CFAP92: variants seen among roughly 807,000 people sequenced by gnomAD.
The protein encoded by CFAP92 is uncharacterized protein CFAP92.
CFAP92 carries 86 observed loss-of-function variants against 106.3 expected under a neutral mutation model. The ratio of observed to expected loss-of-function variants is 0.81; its 90% CI spans 0.68 to 0.97. CFAP92 has a LOEUF of 0.97. CFAP92 is among the 50% of genes least tolerant of loss of function. The pLI is 0.00. For missense variants in CFAP92, 1,204 were observed against 1,283.8 expected, an observed-to-expected ratio of 0.94 and a Z score of 0.95; for synonymous variants, 477 against 506.4, an observed-to-expected ratio of 0.94 and a Z score of 0.78.
intron 9 of CFAP92, among the ~76,000 whole-genome samples, chr3:128,959,571 G>A (rs777768869): frequency 3.9e-5 from 6 of 152,134 alleles, no homozygotes; most frequent in East Asian, 1.9e-4. Context: ...CCAGAAGAGG[G>A]AACAAGGAAC....
chr3:128,971,325 G>T lies in CFAP92; in HGVS notation c.1130C>A (p.Ala377Asp), dbSNP rs749924475. ...PTLTGPRKQS[A>D]FSIQLAVMPL... Reference sequence around the variant, plus strand: ...CATGACGGCCAGCTGGATGGAGAAAGCGCTCTGCTTCCTGGGGCCTGTCAG... The same window carrying T: ...CATGACGGCCAGCTGGATGGAGAAATCGCTCTGCTTCCTGGGGCCTGTCAG... The change falls in exon 8 of 16, where the codon GCT becomes GAT. Residue 377 changes from alanine to aspartate, a missense_variant. Transcript: ENST00000645291. 1.4e-5 allele frequency: 23 copies of T among 1,613,684 alleles called. No individual in the cohort carries two copies. The South Asian group carries it at 2.5e-4, about 18-fold the overall frequency.
In CFAP92 at chr3:128,932,815, T is replaced by A. The variant is rs1170808752; in HGVS notation, c.2636A>T (p.Tyr879Phe). Residue 879 changes from tyrosine to phenylalanine, a missense_variant, in exon 12 of 16, where the codon TAC becomes TTC. Coordinates refer to ENST00000645291, the MANE Select transcript of CFAP92 (RefSeq NM_001394090.1). The part of the protein sequence containing the change: ...PPQPAPNLED[Y>F]HSRNSTLTLE... ...GGTGAGGGTGGAGTTCCGACTGTGG[T>A]AGTCCTCAAGATTGGGGGCAGGCTG... is the stretch of plus-strand genomic sequence containing the variant. 1.3e-6 allele frequency: 2 copies of A among 1,536,136 alleles called. No homozygotes were observed. The highest frequency in any genetic ancestry group is 2.7e-5 in the African/African-American group (2 of 73,048).
the CFAP92 span, among the ~76,000 whole-genome samples, chr3:129,018,117 T>C: frequency 2.6e-5 from 4 of 152,232 alleles, no homozygotes; most frequent in African/African-American, 4.8e-5. Context: ...TCAATTATTC[T>C]ATAACCTAAT....
chr3:128,985,628 C>T (rs1202289599), intron 4 of CFAP92, among the ~76,000 whole-genome samples: 1 of 152,172 alleles, frequency 6.6e-6, no homozygotes, highest in Non-Finnish European at 1.5e-5. Context: ...AGTGAAAGCC[C>T]ACTGCAGGGC....
intron 4 of CFAP92, among the ~76,000 whole-genome samples, chr3:128,978,850 C>T (rs1167862728): frequency 6.6e-6 from 1 of 152,198 alleles, no homozygotes; most frequent in South Asian, 2.1e-4. Flanking sequence ...ACCATAAAAA[C>T]CCTAGAAGAA....
chr3:129,002,106 C>G (rs1268112469), intron 1 of CFAP92: 4 of 1,491,546 alleles, frequency 2.7e-6, no homozygotes, highest in Non-Finnish European at 3.6e-6. Flanking sequence ...TGCGGGGCCC[C>G]GGCTGCCCCG....
chr3:128,976,809 G>T (rs1943186581), intron 6 of CFAP92, among the ~76,000 whole-genome samples, 170 bp downstream of exon 6: 2 of 152,196 alleles, frequency 1.3e-5, no homozygotes, highest in African/African-American at 4.8e-5. Flanking sequence ...AGCTTGATGT[G>T]CAACATGTAC....
At chr3:129,003,790 G>T (rs919866948), upstream of CFAP92, 1 of 1,443,842 alleles carries the variant, frequency 6.9e-7, no homozygotes, top group Non-Finnish European at 9.1e-7. Flanking sequence ...CCCTGTCCCC[G>T]CAGGTCGGAC....
intron 9 of CFAP92, among the ~76,000 whole-genome samples, chr3:128,956,216 A>G (rs1161937048): frequency 2.5e-5 from 2 of 79,484 alleles, no homozygotes; most frequent in African/African-American, 1.6e-4. Context: ...ATAAAAAAAT[A>G]AAAAAAAAAA....
intron 4 of CFAP92, among the ~76,000 whole-genome samples, chr3:128,983,966 G>A (rs760031474): frequency 6.6e-6 from 1 of 152,250 alleles, no homozygotes; most frequent in East Asian, 1.9e-4. Flanking sequence ...CAGGAGAGAG[G>A]AGGGGGAACA....
chr3:128,989,276 C>G (rs1229426152), intron 2 of CFAP92, among the ~76,000 whole-genome samples: 2 of 139,070 alleles, frequency 1.4e-5, no homozygotes, highest in African/African-American at 2.9e-5. Flanking sequence ...CCCTCCTGGC[C>G]CTAAGAAGCA....
At chr3:129,024,692 C>T in the CFAP92 span, among the ~76,000 whole-genome samples, 5 of 152,102 alleles carry the variant, frequency 3.3e-5, no homozygotes, top group Non-Finnish European at 5.9e-5. Context: ...GAGACAAACG[C>T]ATTCCTGTAT....
chr3:128,988,589 C>T, intron 3 of CFAP92, 139 bp downstream of exon 3: 1 of 781,426 alleles, frequency 1.3e-6, no homozygotes, highest in South Asian at 1.8e-5. Flanking sequence ...AGTGCAGATT[C>T]CCACTCAGGA....
chr3:128,949,276 C>G (rs1242791474), intron 9 of CFAP92, among the ~76,000 whole-genome samples: 2 of 152,214 alleles, frequency 1.3e-5, no homozygotes, highest in Non-Finnish European at 2.9e-5. Context: ...TTAAGCAGCT[C>G]TATTCATAAT....
intron 12 of CFAP92, among the ~76,000 whole-genome samples, chr3:128,919,814 T>A (rs1937119981): frequency 6.6e-6 from 1 of 152,220 alleles, no homozygotes; most frequent in Non-Finnish European, 1.5e-5. Flanking sequence ...AATTGGAAAT[T>A]GTGCCAAGGA....
chr3:129,002,848 A>G (rs1944861247), upstream of CFAP92, among the ~76,000 whole-genome samples: 1 of 152,186 alleles, frequency 6.6e-6, no homozygotes, highest in Non-Finnish European at 1.5e-5. Context: ...CAAGTGAGAA[A>G]CAGACAATGT....
the CFAP92 span, among the ~76,000 whole-genome samples, chr3:129,010,526 G>A: frequency 6.6e-6 from 1 of 152,158 alleles, no homozygotes; most frequent in African/African-American, 2.4e-5. The surrounding 1 kb of genome is among the most constrained non-coding windows in gnomAD (Gnocchi z 4.3). Flanking sequence ...GGGAGAGGGA[G>A]GGAGGAGGGA....
chr3:128,975,003 C>G (rs1943055406), intron 7 of CFAP92, among the ~76,000 whole-genome samples: 1 of 151,856 alleles, frequency 6.6e-6, no homozygotes, highest in Non-Finnish European at 1.5e-5. Context: ...GCCTGTAGTC[C>G]CAGCTATTCG....
rs200003334 is a variant in CFAP92 at position 128,917,670 on chromosome 3, CT to C, written c.2752-1400del. The stretch of plus-strand genomic sequence containing the variant: ...ATAGCAATATGAAGCAGAAGTAAAA[CT>C]AAAAGAAAAAGTATTGAGTATGAAA... On this transcript the variant is annotated intron_variant, in intron 12 of 15. Coordinates refer to ENST00000645291, the MANE Select transcript of CFAP92 (RefSeq NM_001394090.1). 1.1e-4 allele frequency among the ~76,000 whole-genome samples: 16 copies of C among 151,988 alleles called. No homozygotes were observed. The South Asian group carries it at 2.3e-3, about 22-fold the overall frequency.
Sources: gnomAD v4.1 joint callset for allele counts (sites outside exome capture counted in the v4.1 genomes callset) on GRCh38, gnomAD v4.1.1 for gene constraint, Gnocchi (gnomAD v3.1) non-coding constraint, MANE v1.5 for transcripts, NCBI Gene and HGNC (gene_info 2026-07-23, HGNC 2026-07-21) for gene names.